TAFA2: variants seen among roughly 807,000 people sequenced by gnomAD.
The protein encoded by TAFA2 is chemokine-like protein TAFA-2.
TAFA2 carries 7 observed loss-of-function variants against 18.8 expected under a neutral mutation model. The ratio of observed to expected loss-of-function variants is 0.37; its 90% CI spans 0.21 to 0.70. The LOEUF (loss-of-function observed/expected upper bound fraction) is 0.70. Ranked by LOEUF, TAFA2 falls within the 30% of genes least tolerant of loss-of-function variation. TAFA2 has a pLI of 0.53. For missense variants in TAFA2, 122 were observed against 158.1 expected (o/e 0.77, Z 1.23); for synonymous variants, 60 against 54.2 (o/e 1.11, Z -0.47).
At chr12:62,176,790 A>T (rs892488473) in intron 1 of TAFA2, among the ~76,000 whole-genome samples, 4 of 152,218 alleles carry the variant, frequency 2.6e-5, no homozygotes, top group African/African-American at 9.6e-5. Flanking sequence ...GCATTTCCAG[A>T]TACAAATAAT....
intron 1 of TAFA2, among the ~76,000 whole-genome samples, chr12:62,070,987 T>C (rs1305986279): frequency 6.6e-6 from 1 of 152,172 alleles, no homozygotes; most frequent in East Asian, 1.9e-4. Flanking sequence ...TGAAGTTAAG[T>C]CCTGTTTAAG....
At chr12:62,111,806 AC>A (rs779247873) in intron 1 of TAFA2, among the ~76,000 whole-genome samples, 3 of 151,916 alleles carry the variant, frequency 2.0e-5, no homozygotes, top group Non-Finnish European at 4.4e-5. Flanking sequence ...TAGGATTGCA[AC>A]CCCTACTTTT....
At chr12:61,803,854 G>A (rs906854961) in intron 2 of TAFA2, among the ~76,000 whole-genome samples, 23 of 151,844 alleles carry the variant, frequency 1.5e-4, no homozygotes, top group African/African-American at 4.1e-4. Flanking sequence ...TAACCTGCAC[G>A]TTGTGCACAT....
chr12:62,021,461 C>A, intron 1 of TAFA2: 2 of 455,966 alleles, frequency 4.4e-6, no homozygotes, highest in East Asian at 5.2e-5. Context: ...ACCCCAAAGT[C>A]CACTGCATCA....
intron 4 of TAFA2, among the ~76,000 whole-genome samples, chr12:61,711,323 AGAG>A (rs1417955376): frequency 1.3e-5 from 2 of 151,718 alleles, no homozygotes; most frequent in Non-Finnish European, 2.9e-5. Context: ...GAAAGAGGGG[AGAG>A]GAGAAGAGAT....
At chr12:62,249,053 A>G (rs1466209995) in intron 1 of TAFA2, among the ~76,000 whole-genome samples, 1 of 152,028 alleles carries the variant, frequency 6.6e-6, no homozygotes, top group African/African-American at 2.4e-5. Flanking sequence ...CCCCAGGGTA[A>G]TTGTTTAAAA....
intron 1 of TAFA2, among the ~76,000 whole-genome samples, chr12:62,031,987 A>T (rs1881471411): frequency 6.6e-6 from 1 of 152,218 alleles, no homozygotes; most frequent in South Asian, 2.1e-4. Context: ...ATTAGCAAAG[A>T]TTTTAACAAG....
At chr12:61,769,006 C>T (rs753748209) in intron 2 of TAFA2, among the ~76,000 whole-genome samples, 2 of 151,894 alleles carry the variant, frequency 1.3e-5, no homozygotes, top group African/African-American at 2.4e-5. Flanking sequence ...GTTGGTGGGG[C>T]ATGGTGGGAG....
rs993580995 is a variant in TAFA2, at chr12:61,808,219, G to A, written c.107-53195C>T. On this transcript the variant is annotated intron_variant, in intron 2 of 4. Coordinates refer to ENST00000416284, the MANE Select transcript of TAFA2 (RefSeq NM_178539.5). ...TCTTGTGACAGTGAATGAGTCTCAT[G>A]AGATCTGATGATATTATAAGGGTGA... Among the ~76,000 whole-genome samples the A allele has an allele frequency of 3.3e-5, 5 of 151,458 alleles. 1 individual carries two copies. Among genetic ancestry groups the A allele is most frequent in the African/African-American group, 4.9e-5 (2 of 40,750 alleles).
intron 4 of TAFA2, among the ~76,000 whole-genome samples, chr12:61,730,230 A>G (rs12581195): frequency 0.28 from 42,978 of 152,042 alleles, 6,757 homozygotes; most frequent in South Asian, 0.38. Flanking sequence ...TGTCACATGG[A>G]CAGACTCAGG....
In TAFA2 at chr12:61,995,595, T is replaced by C. The variant is rs1483767009; in HGVS notation, c.-1-128169A>G. Reference sequence around the variant, plus strand: ...CATGGCTAACATTGTGCCTGGTTCATAGGGTACTCAGCAAACACATGTTGA... The same window carrying C: ...CATGGCTAACATTGTGCCTGGTTCACAGGGTACTCAGCAAACACATGTTGA... On this transcript the variant is annotated intron_variant, in intron 1 of 4. Coordinates refer to ENST00000416284, the MANE Select transcript of TAFA2 (RefSeq NM_178539.5). Among the ~76,000 whole-genome samples, 7 of 152,312 alleles carry C rather than the reference T, an allele frequency of 4.6e-5. No individual in the cohort carries two copies. The East Asian group carries it at 9.6e-4, about 21-fold the overall frequency.
chr12:62,100,096 T>C (rs1366626810), intron 1 of TAFA2, among the ~76,000 whole-genome samples: 5 of 151,782 alleles, frequency 3.3e-5, no homozygotes, highest in African/African-American at 2.4e-5. Flanking sequence ...CCTGTCATTA[T>C]GTCTGCCACA....
At chr12:61,886,623 G>A (rs141248620) in intron 1 of TAFA2, among the ~76,000 whole-genome samples, 1 of 152,284 alleles carries the variant, frequency 6.6e-6, no homozygotes, top group East Asian at 1.9e-4. Flanking sequence ...TTCTCGTGTG[G>A]GTCCCAGTGG....
chr12:61,815,441 C>T lies in TAFA2; in HGVS notation c.106+51879G>A, dbSNP rs1014458110. Among the ~76,000 whole-genome samples the T allele has an allele frequency of 3.3e-5, 5 of 151,188 alleles. No homozygotes were observed. The East Asian group carries it at 5.8e-4, about 18-fold the overall frequency. ...CAGCACTTTGGGAGGCCGAGCTGGG[C>T]GGATCACGAGGTCAGGTGATCGAGA... is the stretch of plus-strand genomic sequence containing the variant. On this transcript the variant is annotated intron_variant, in intron 2 of 4. Transcript: ENST00000416284.
At chr12:62,021,283 A>AT (rs149193240) in intron 1 of TAFA2, among the ~76,000 whole-genome samples, 3 of 151,926 alleles carry the variant, frequency 2.0e-5, no homozygotes, top group African/African-American at 4.8e-5. Flanking sequence ...TCTTTTTTTA[A>AT]TTTTTTTTAT....
chr12:61,992,369 C>T (rs565257402), intron 1 of TAFA2, among the ~76,000 whole-genome samples: 1 of 152,276 alleles, frequency 6.6e-6, no homozygotes, highest in Non-Finnish European at 1.5e-5. Flanking sequence ...AGGCTTCAAT[C>T]CATAGGCTTA....
chr12:61,807,114 T>C (rs554709292), intron 2 of TAFA2, among the ~76,000 whole-genome samples: 1 of 150,020 alleles, frequency 6.7e-6, no homozygotes, highest in African/African-American at 2.5e-5. Flanking sequence ...GACGTCTTCA[T>C]AGCAGGACCT....
chr12:62,246,715 T>A (rs1023852917), intron 1 of TAFA2, among the ~76,000 whole-genome samples: 1 of 152,186 alleles, frequency 6.6e-6, no homozygotes, highest in African/African-American at 2.4e-5. Context: ...ATTAGTGACT[T>A]TTTTTCTAAT....
chr12:62,143,869 CCT>C (rs142753646), intron 1 of TAFA2, among the ~76,000 whole-genome samples: 23,661 of 150,850 alleles, frequency 0.16, 1,916 homozygotes, highest in Middle Eastern at 0.19. Context: ...GTGGCAAAAC[CCT>C]CTCTCTACAA....
Sources: gnomAD v4.1 joint callset for allele counts (sites outside exome capture counted in the v4.1 genomes callset) on GRCh38, gnomAD v4.1.1 for gene constraint, MANE v1.5 for transcripts, NCBI Gene and HGNC (gene_info 2026-07-23, HGNC 2026-07-21) for gene names.